Variants in NRXN1 observed in about 807,000 individuals in gnomAD.
NRXN1 encodes neurexin-1.
NRXN1 carries 39 observed loss-of-function variants against 150.9 expected under a neutral mutation model. The observed-to-expected ratio is 0.26, with a 90% confidence interval of 0.20 to 0.34. The LOEUF (loss-of-function observed/expected upper bound fraction) is 0.34, where lower values mean the gene tolerates loss of function less well. Among genes scored for constraint, NRXN1 ranks in the 10% least tolerant of loss-of-function variants. The pLI is 1.00. For missense variants in NRXN1, 1,815 were observed against 1,949.9 expected (o/e 0.93, Z 1.30); for synonymous variants, 924 against 757.0 (o/e 1.22, Z -3.62).
At chr2:50,666,105 T>C (rs948019954) in intron 5 of NRXN1, among the ~76,000 whole-genome samples, 3 of 151,950 alleles carry the variant, frequency 2.0e-5, no homozygotes, top group Non-Finnish European at 4.4e-5. Context: ...TTTCTGTCAC[T>C]ACAGATTAGT....
chr2:50,037,568 G>C (rs538664774), intron 21 of NRXN1, among the ~76,000 whole-genome samples: 56 of 152,254 alleles, frequency 3.7e-4, no homozygotes, highest in African/African-American at 1.3e-3. Flanking sequence ...TTTCATTAAA[G>C]ATACGATATT....
chr2:50,502,805 GT>G (rs1327187016), intron 13 of NRXN1, among the ~76,000 whole-genome samples: 10 of 151,946 alleles, frequency 6.6e-5, no homozygotes, highest in South Asian at 2.1e-4. Flanking sequence ...TTACATGTAT[GT>G]TTGGGTGTAG....
At chr2:50,437,006 G>A (rs1025064170) in intron 17 of NRXN1, among the ~76,000 whole-genome samples, 1 of 152,022 alleles carries the variant, frequency 6.6e-6, no homozygotes, top group East Asian at 1.9e-4. Context: ...CTGCAGGTAG[G>A]AAACCTCTGG....
chr2:51,026,747 T>G (rs1378307886), intron 2 of NRXN1, among the ~76,000 whole-genome samples: 2 of 152,220 alleles, frequency 1.3e-5, no homozygotes, highest in African/African-American at 2.4e-5. Flanking sequence ...TCTCTAACAT[T>G]TTTAAACGTC....
intron 16 of NRXN1, among the ~76,000 whole-genome samples, chr2:50,469,831 A>T (rs1455790513): frequency 6.6e-6 from 1 of 151,090 alleles, no homozygotes; most frequent in Non-Finnish European, 1.5e-5. Flanking sequence ...GAAAGAACCA[A>T]TGCCATAAGT....
chr2:50,877,196 T>G lies in NRXN1; in HGVS notation c.832+44673A>C, dbSNP rs118179235. On this transcript the variant is annotated intron_variant, in intron 5 of 22. Transcript: ENST00000401669. Reference sequence around the variant, plus strand: ...CAACACACACATAGACACACACATATACACACACACACATATATATACACA... The same window carrying G: ...CAACACACACATAGACACACACATAGACACACACACACATATATATACACA... 2.4e-3 allele frequency among the ~76,000 whole-genome samples: 369 copies of G among 151,158 alleles called. 2 individuals carry two copies. Among genetic ancestry groups the G allele is most frequent in the Non-Finnish European group, 3.6e-3 (243 of 67,528 alleles).
At chr2:50,309,756 T>C (rs1161450929) in intron 17 of NRXN1, among the ~76,000 whole-genome samples, 1 of 152,166 alleles carries the variant, frequency 6.6e-6, no homozygotes, top group Admixed American at 6.5e-5. Context: ...AGGAAATAAT[T>C]ATTAATTGCA....
chr2:50,160,046 G>C (rs1039825100), intron 18 of NRXN1, among the ~76,000 whole-genome samples: 2 of 152,118 alleles, frequency 1.3e-5, no homozygotes, highest in East Asian at 1.9e-4. Context: ...CTTGGGACTT[G>C]AAGATTCTGC....
At chr2:50,978,322 A>C (rs1437233486) in intron 2 of NRXN1, among the ~76,000 whole-genome samples, 3 of 134,052 alleles carry the variant, frequency 2.2e-5, no homozygotes, top group South Asian at 2.3e-4. Flanking sequence ...TATATATTAT[A>C]GATAGATTTG....
intron 20 of NRXN1, among the ~76,000 whole-genome samples, chr2:50,054,444 G>T (rs577714659): frequency 2.6e-5 from 4 of 152,218 alleles, no homozygotes; most frequent in African/African-American, 7.2e-5. Context: ...TTTAATATGG[G>T]CTTGTTCCCA....
chr2:50,903,087 C>G (rs1263448232), intron 5 of NRXN1, among the ~76,000 whole-genome samples: 2 of 152,012 alleles, frequency 1.3e-5, no homozygotes, highest in Non-Finnish European at 2.9e-5. Flanking sequence ...GTATTCCCAA[C>G]CAGCACCAAT....
intron 18 of NRXN1, among the ~76,000 whole-genome samples, chr2:50,137,685 T>C (rs1405333349): frequency 1.3e-5 from 2 of 152,282 alleles, no homozygotes; most frequent in African/African-American, 4.8e-5. Context: ...TTTCAAAAAA[T>C]AGCCTGCCTG....
intron 17 of NRXN1, among the ~76,000 whole-genome samples, chr2:50,459,000 T>G (rs1267164232): frequency 6.6e-6 from 1 of 152,158 alleles, no homozygotes; most frequent in Non-Finnish European, 1.5e-5. Flanking sequence ...TAATACATAT[T>G]AATTATGATA....
intron 5 of NRXN1, chr2:50,630,991 T>C (rs1187730919): frequency 5.3e-6 from 2 of 375,270 alleles, no homozygotes; most frequent in Non-Finnish European, 1.1e-5. Context: ...GAAATTCATA[T>C]CAAATTAAAT....
chr2:50,347,466 C>T lies in NRXN1; in HGVS notation c.3365-110496G>A. 1 of 1,100,236 alleles carries T rather than the reference C, an allele frequency of 9.1e-7. No homozygotes were observed. Among genetic ancestry groups the T allele is most frequent in the South Asian group, 2.0e-5 (1 of 49,828 alleles). The allele number at this position is 1,100,236 out of a possible 1,614,324, so 68.2% of individuals were successfully genotyped here. A position where few individuals can be genotyped will look rare whatever the true frequency, so the allele number is the denominator to read the frequency against. ...GCCCAACCTCCTTTCAAGACAGAAG[C>T]AGACCCCATGGAATCCAGGCGCCCC... On this transcript the variant is annotated intron_variant, in intron 17 of 22. Transcript: ENST00000401669. This position sits in a 1 kb window ranked among gnomAD's most constrained non-coding sequence, Gnocchi z 4.9.
chr2:50,708,625 C>T (rs148874531), intron 5 of NRXN1, among the ~76,000 whole-genome samples: 1 of 152,110 alleles, frequency 6.6e-6, no homozygotes, highest in East Asian at 1.9e-4. Flanking sequence ...ACTTATTTTC[C>T]CATAAAACAG....
At chr2:50,664,564 C>A (rs1274625676) in intron 5 of NRXN1, among the ~76,000 whole-genome samples, 1 of 151,574 alleles carries the variant, frequency 6.6e-6, no homozygotes, top group East Asian at 2.0e-4. Context: ...AAGGCAAAGC[C>A]CTTGATTCGC....
intron 21 of NRXN1, among the ~76,000 whole-genome samples, chr2:50,004,273 A>C (rs961351782): frequency 7.2e-5 from 11 of 152,236 alleles, no homozygotes; most frequent in Admixed American, 1.3e-4. Flanking sequence ...ACTCATTTAT[A>C]ATAAAATATT....
At chr2:50,518,018 A>T (rs1303239769) in intron 12 of NRXN1, among the ~76,000 whole-genome samples, 1 of 152,142 alleles carries the variant, frequency 6.6e-6, no homozygotes. Context: ...TCATCTACTA[A>T]GAAACATTAA....
Sources: allele counts gnomAD v4.1 joint callset (sites outside exome capture counted in the v4.1 genomes callset), GRCh38; gene constraint gnomAD v4.1.1; non-coding constraint Gnocchi (gnomAD v3.1); transcripts MANE v1.5; gene names NCBI Gene and HGNC (gene_info 2026-07-23, HGNC 2026-07-21).